DOCK2: variants seen among roughly 807,000 people sequenced by gnomAD.
DOCK2 encodes the protein dedicator of cytokinesis 2.
In DOCK2, 87 loss-of-function variants were observed where a neutral mutation model predicts 248.9. The observed-to-expected ratio is 0.35, with a 90% confidence interval of 0.29 to 0.42. The LOEUF (loss-of-function observed/expected upper bound fraction) is 0.42, where lower values mean the gene tolerates loss of function less well. Among genes scored for constraint, DOCK2 ranks in the 10% least tolerant of loss-of-function variants. The pLI is 1.00. For synonymous variants in DOCK2, 805 were observed against 821.6 expected (o/e 0.98, Z 0.35); for missense variants, 1,747 against 2,300.2 (o/e 0.76, Z 4.92).
chr5:169,985,348 CGTGTGTGTGT>C (rs5873200), intron 28 of DOCK2, among the ~76,000 whole-genome samples: 1,478 of 136,826 alleles, frequency 0.011, 7 homozygotes, highest in Middle Eastern at 0.029. Context: ...CTAATCTGCT[CGTGTGTGTGT>C]GTGTGTGTGT....
At chr5:169,882,545 C>A in intron 27 of DOCK2, 1 of 1,529,946 alleles carries the variant, frequency 6.5e-7, no homozygotes, top group East Asian at 2.5e-5. Flanking sequence ...AAAAAAAAAT[C>A]TCCTTACCCT....
intron 27 of DOCK2, among the ~76,000 whole-genome samples, chr5:169,958,435 G>T (rs1776953108): frequency 6.6e-6 from 1 of 152,158 alleles, no homozygotes; most frequent in Non-Finnish European, 1.5e-5. Flanking sequence ...AGGGCTGATG[G>T]TTTAGAATGT....
chr5:169,678,852 G>A (rs531998882), intron 6 of DOCK2, among the ~76,000 whole-genome samples: 1 of 152,190 alleles, frequency 6.6e-6, no homozygotes, highest in East Asian at 1.9e-4. Flanking sequence ...AGGACATGGG[G>A]GTGGGAGTCA....
At chr5:169,753,149 A>G (rs28475055) in intron 23 of DOCK2, among the ~76,000 whole-genome samples, 13,915 of 152,314 alleles carry the variant, frequency 0.091, 820 homozygotes, top group African/African-American at 0.17. Flanking sequence ...AAAGCTTTAC[A>G]TATATTGTTA....
chr5:170,067,148 C>T (rs1333901322), intron 44 of DOCK2, among the ~76,000 whole-genome samples: 2 of 152,216 alleles, frequency 1.3e-5, no homozygotes, highest in African/African-American at 2.4e-5. Flanking sequence ...GCTCTAATCT[C>T]TCTGGCCAAT....
chr5:169,769,720 G>A (rs1397421007), intron 25 of DOCK2, among the ~76,000 whole-genome samples: 4 of 152,224 alleles, frequency 2.6e-5, no homozygotes, highest in Non-Finnish European at 5.9e-5. Flanking sequence ...GGTGGCCCTT[G>A]ACCTCTCTCA....
chr5:169,778,169 G>C (rs1765488981), intron 25 of DOCK2, among the ~76,000 whole-genome samples: 1 of 152,202 alleles, frequency 6.6e-6, no homozygotes, highest in South Asian at 2.1e-4. Context: ...CTAACACACA[G>C]AGGTGCATTG....
Position 170,083,118 on chromosome 5 carries a change from C to G in DOCK2, c.*260C>G, listed in dbSNP as rs924089041. 2.1e-6 allele frequency: 1 copy of G among 487,258 alleles called. No homozygotes were observed. The highest frequency in any genetic ancestry group is 1.9e-5 in the African/African-American group (1 of 51,876). 30.2% of individuals were successfully genotyped at this position (487,258 alleles called of 1,614,324 possible). ...CAAGGTACCAGCAAGAATGCCTTCT[C>G]CCAGTGTGCTCTCCCCAACATCCTA... On this transcript the variant is annotated 3_prime_UTR_variant, in exon 52 of 52. Coordinates refer to ENST00000520908, the MANE Select transcript of DOCK2 (RefSeq NM_004946.3).
At position 170,008,387 on chromosome 5, in the gene DOCK2, G is replaced by A. The variant is rs80087661; in HGVS notation, c.3073-110G>A. On this transcript the variant is annotated intron_variant, in intron 30 of 51. Coordinates refer to ENST00000520908, the MANE Select transcript of DOCK2 (RefSeq NM_004946.3). ...AAATTGCAGTGGGCACAATTAAACT[G>A]GTTCGGCCTCTGTCTTCTGCCATCT... is the stretch of plus-strand genomic sequence containing the variant. 5.4e-4 allele frequency: 608 copies of A among 1,135,634 alleles called. 4 individuals carry two copies. The African/African-American group carries it at 8.5e-3, about 16-fold the overall frequency. The allele number at this position is 1,135,634 out of a possible 1,614,324, so 70.3% of individuals were successfully genotyped here. A position where few individuals can be genotyped will look rare whatever the true frequency, so the allele number is the denominator to read the frequency against.
rs1424167745 is a variant in DOCK2, at chr5:169,881,290, T to C, written c.2799+40438T>C. The C allele has an allele frequency of 3.2e-6, 4 of 1,235,618 alleles. No homozygotes were observed. In the African/African-American group the frequency reaches 6.1e-5, roughly 19 times the overall value. The allele number at this position is 1,235,618 out of a possible 1,614,324, so 76.5% of individuals were successfully genotyped here. On this transcript the variant is annotated intron_variant, in intron 27 of 51. Transcript: ENST00000520908. ...TTTTTGCCTCTCTTGACTTTTTGCA[T>C]TTAAAAGTTTGCTAGAGTGTTCAGC... is the stretch of plus-strand genomic sequence containing the variant.
chr5:170,034,550 C>T lies in DOCK2; in HGVS notation c.3619C>T (p.Leu1207=). Residue 1207 remains leucine (L), a synonymous_variant, in exon 35 of 52, where the codon CTG becomes TTG. Transcript: ENST00000520908. ...KDNRMSCTVN[L]LNFYKDNNRE... ...CAACCGCATGAGCTGCACCGTGAACCTGCTGGTGCGTGGGGCTGGCGGGTC... is the reference window on the plus strand; with the variant it reads ...CAACCGCATGAGCTGCACCGTGAACTTGCTGGTGCGTGGGGCTGGCGGGTC... 6.2e-7 allele frequency: 1 copy of T among 1,614,092 alleles called. No individual in the cohort carries two copies.
chr5:169,807,063 G>A (rs1391465832), intron 26 of DOCK2, among the ~76,000 whole-genome samples: 2 of 152,004 alleles, frequency 1.3e-5, no homozygotes, highest in Admixed American at 1.3e-4. Flanking sequence ...GGGCGTCACT[G>A]GCTGGGGGTC....
At chr5:169,747,537 C>T in intron 23 of DOCK2, 33 bp downstream of exon 23, 1 of 1,553,266 alleles carries the variant, frequency 6.4e-7, no homozygotes, top group South Asian at 1.1e-5. Flanking sequence ...TCTATCTTCT[C>T]CTTGGCCATC....
chr5:170,032,871 C>T (rs545540165), intron 34 of DOCK2, among the ~76,000 whole-genome samples: 6 of 152,252 alleles, frequency 3.9e-5, no homozygotes, highest in Admixed American at 1.3e-4. Context: ...TGGAGAGTTT[C>T]AGTTCCATGG....
At chr5:169,713,907 T>C (rs1761727187) in intron 17 of DOCK2, 121 bp from the exon 18 acceptor site, 2 of 1,124,086 alleles carry the variant, frequency 1.8e-6, no homozygotes, top group Admixed American at 6.1e-5. Flanking sequence ...GCTTCTCTGA[T>C]GATTTTCTTC....
At chr5:170,050,483 C>A in intron 41 of DOCK2, 86 bp downstream of exon 41, 1 of 1,478,950 alleles carries the variant, frequency 6.8e-7, no homozygotes, top group South Asian at 1.4e-5. Flanking sequence ...CCTTAGAGCT[C>A]AGGGCTGCTG....
intron 26 of DOCK2, among the ~76,000 whole-genome samples, chr5:169,817,450 TTAGAAAC>T (rs2113216118): frequency 1.3e-5 from 2 of 152,350 alleles, no homozygotes; most frequent in South Asian, 4.1e-4. Flanking sequence ...TCCTCTCTTA[TTAGAAAC>T]TAACTTCGGA....
At position 170,077,580 on chromosome 5, in the gene DOCK2, G is replaced by A. The variant is rs182537767; in HGVS notation, c.4867-130G>A. The A allele has an allele frequency of 3.0e-6, 4 of 1,353,414 alleles. No homozygotes were observed. In the South Asian group the frequency reaches 5.7e-5, roughly 19 times the overall value. 83.8% of individuals were successfully genotyped at this position (1,353,414 alleles called of 1,614,324 possible). On this transcript the variant is annotated intron_variant, in intron 47 of 51. Coordinates refer to ENST00000520908, the MANE Select transcript of DOCK2 (RefSeq NM_004946.3). Reference sequence around the variant, plus strand: ...GAACGCCCTAGCCTCAGCCAGCCAGGAACTTTTGTGCTGATGCTCCACTCA... The same window carrying A: ...GAACGCCCTAGCCTCAGCCAGCCAGAAACTTTTGTGCTGATGCTCCACTCA...
At chr5:170,020,697 C>T (rs1451458176) in intron 33 of DOCK2, among the ~76,000 whole-genome samples, 3 of 152,238 alleles carry the variant, frequency 2.0e-5, no homozygotes, top group Non-Finnish European at 2.9e-5. Flanking sequence ...CAGGTCACTG[C>T]GATTCCTAAA....
Sources: gnomAD v4.1 joint callset for allele counts (sites outside exome capture counted in the v4.1 genomes callset) on GRCh38, gnomAD v4.1.1 for gene constraint, MANE v1.5 for transcripts, NCBI Gene and HGNC (gene_info 2026-07-23, HGNC 2026-07-21) for gene names.